Variants in CNOT6 observed in about 807,000 individuals in gnomAD.
The protein encoded by CNOT6 is carbon catabolite repression 4 protein.
A neutral mutation model predicts 61.2 loss-of-function variants in CNOT6; 12 were observed. That is an observed-to-expected ratio of 0.20 (90% CI 0.13 to 0.32). The LOEUF (loss-of-function observed/expected upper bound fraction) is 0.32, where lower values mean the gene tolerates loss of function less well. Ranked by LOEUF, CNOT6 falls within the 10% of genes least tolerant of loss-of-function variation. The pLI is 1.00. For synonymous variants in CNOT6, 225 were observed against 240.6 expected, an observed-to-expected ratio of 0.94 and a Z score of 0.60; for missense variants, 405 against 663.9, an observed-to-expected ratio of 0.61 and a Z score of 4.28.
chr5:180,494,638 A>AGCG lies in CNOT6; in HGVS notation c.-120_-118dup, dbSNP rs1442438869. 1 of 145,964 alleles carries AGCG rather than the reference A, an allele frequency of 6.9e-6. No individual in the cohort carries two copies. The highest frequency in any genetic ancestry group is 1.5e-5 in the Non-Finnish European group (1 of 68,082). The allele number at this position is 145,964 out of a possible 1,614,324, so 9.0% of individuals were successfully genotyped here. A position where few individuals can be genotyped will look rare whatever the true frequency, so the allele number is the denominator to read the frequency against. On this transcript the variant is annotated 5_prime_UTR_variant, in exon 1 of 12. Transcript: ENST00000261951. ...AGAGCAGCGACTAAGGCGGCAGAGG[A>AGCG]GCGGCGGCGGTGGCGGCGCTGCAGC...
chr5:180,521,638 G>T (rs994914424), intron 1 of CNOT6, among the ~76,000 whole-genome samples: 32 of 152,144 alleles, frequency 2.1e-4, no homozygotes, highest in African/African-American at 7.7e-4. Context: ...TGACATTGAG[G>T]TTTGGGACAT....
chr5:180,546,360 A>C (rs1056642453), intron 2 of CNOT6, among the ~76,000 whole-genome samples: 1 of 152,122 alleles, frequency 6.6e-6, no homozygotes, highest in Non-Finnish European at 1.5e-5. Flanking sequence ...GTTTTGAAAT[A>C]ATAGAGCTTT....
chr5:180,497,278 G>C (rs1325752171), intron 1 of CNOT6, among the ~76,000 whole-genome samples: 1 of 142,834 alleles, frequency 7.0e-6, no homozygotes, highest in African/African-American at 2.6e-5. Context: ...AGTGAGCCAG[G>C]ATCACGCCAC....
At chr5:180,507,421 G>GAAACCCCGTCTCTACT (rs1278484475) in intron 1 of CNOT6, among the ~76,000 whole-genome samples, 102 of 152,270 alleles carry the variant, frequency 6.7e-4, no homozygotes, top group African/African-American at 2.4e-3. Context: ...CCAACCTGGT[G>GAAACCCCGTCTCTACT]AAACCCCGTC....
In CNOT6 at chr5:180,569,127, G is replaced by A. The variant is rs150124040; in HGVS notation, c.1045G>A (p.Gly349Arg). Residue 349 changes from glycine (G) to arginine (R), a missense_variant, in exon 10 of 12, where the codon GGA becomes AGA. Coordinates refer to ENST00000261951, the MANE Select transcript of CNOT6 (RefSeq NM_001370472.1). ...IEMPSGKPHLGTEKQLILVAN... is the reference protein window; with the variant it reads ...IEMPSGKPHLRTEKQLILVAN... The stretch of plus-strand genomic sequence containing the variant: ...TAATGTAGCCGGAAAGCCACATCTT[G>A]GAACAGAAAAACAACTTATTCTTGT... The A allele has an allele frequency of 8.8e-5, 142 of 1,613,530 alleles. No individual in the cohort carries two copies. Among genetic ancestry groups the A allele is most frequent in the Non-Finnish European group, 1.1e-4 (130 of 1,179,720 alleles).
intron 2 of CNOT6, among the ~76,000 whole-genome samples, chr5:180,546,229 TA>T (rs1317839433): frequency 2.6e-5 from 4 of 152,214 alleles, no homozygotes; most frequent in Non-Finnish European, 5.9e-5. Flanking sequence ...TTTCTATGGT[TA>T]AATTTAAAAT....
intron 1 of CNOT6, among the ~76,000 whole-genome samples, 157 bp downstream of exon 1, chr5:180,494,920 C>T (rs1274509313): frequency 6.6e-6 from 1 of 151,754 alleles, no homozygotes; most frequent in Non-Finnish European, 1.5e-5. Flanking sequence ...GGGGCCCCTT[C>T]GACGCGCCGC....
intron 6 of CNOT6, among the ~76,000 whole-genome samples, chr5:180,565,082 A>G (rs1433978589): frequency 6.6e-6 from 1 of 152,264 alleles, no homozygotes; most frequent in Non-Finnish European, 1.5e-5. Flanking sequence ...AGCATTCTAT[A>G]GTACACGGCA....
Position 180,567,929 on chromosome 5 carries a change from A to G in CNOT6, c.953A>G (p.Asn318Ser). The change falls in exon 9 of 12, where the codon AAC (asparagine) becomes AGC (serine). Residue 318 changes from asparagine to serine, a missense_variant. By Grantham distance (46) the Asn-to-Ser change is conservative. Around this residue, in one of 5 missense-constraint regions of CNOT6, gnomAD observed 24 missense variants for 85.2 expected, o/e 0.28. Coordinates refer to ENST00000261951, the MANE Select transcript of CNOT6 (RefSeq NM_001370472.1). ...ANSEGSEAML[N>S]RVMTKDNIGV... is the part of the protein sequence containing the mutation. The stretch of plus-strand genomic sequence containing the variant: ...TCTGAGGGGTCTGAAGCTATGCTGA[A>G]CAGAGTCATGACAAAAGATAACATT... 6.2e-7 allele frequency: 1 copy of G among 1,614,178 alleles called. No homozygotes were observed. Among genetic ancestry groups the G allele is most frequent in the South Asian group, 1.1e-5 (1 of 91,084 alleles).
chr5:180,535,988 GTTTTTTTTTTTT>G (rs756489493), intron 2 of CNOT6, among the ~76,000 whole-genome samples: 3 of 62,444 alleles, frequency 4.8e-5, no homozygotes, highest in African/African-American at 1.4e-4. Context: ...ACTTATTAGG[GTTTTTTTTTTTT>G]TTTTTTTTTT....
chr5:180,565,638 C>G (rs1276490861), intron 6 of CNOT6, among the ~76,000 whole-genome samples, 182 bp from the exon 7 acceptor site: 1 of 152,190 alleles, frequency 6.6e-6, no homozygotes, highest in Non-Finnish European at 1.5e-5. Context: ...GTTCACTTAT[C>G]TATCCTGCTT....
intron 4 of CNOT6, among the ~76,000 whole-genome samples, chr5:180,562,531 G>A (rs1023471606): frequency 6.6e-5 from 10 of 152,148 alleles, no homozygotes; most frequent in Admixed American, 1.3e-4. Flanking sequence ...ACGAGGTCAG[G>A]AGATTGAGAC....
In CNOT6 at chr5:180,567,135, A is replaced by C. The variant is rs780707776; in HGVS notation, c.765A>C (p.Lys255Asn). 1 of 1,613,786 alleles carries C rather than the reference A, an allele frequency of 6.2e-7. No homozygotes were observed. The highest frequency in any genetic ancestry group is 2.2e-5 in the East Asian group (1 of 44,858). Reference protein sequence around the residue: ...QYYSFFLVELKERGYNGFFSP... With the variant: ...QYYSFFLVELNERGYNGFFSP... ...ACAGTTTTTTTCTGGTAGAGCTGAA[A>C]GAACGTGGCTATAATGGATTCTTCA... Residue 255 changes from lysine to asparagine, a missense_variant, in exon 8 of 12, where the codon AAA (lysine) becomes AAC (asparagine). Around this residue, in one of 5 missense-constraint regions of CNOT6, gnomAD observed 212 missense variants for 307.1 expected, o/e 0.69. Coordinates refer to ENST00000261951, the MANE Select transcript of CNOT6 (RefSeq NM_001370472.1).
intron 1 of CNOT6, among the ~76,000 whole-genome samples, chr5:180,508,818 T>A (rs1397072144): frequency 7.2e-6 from 1 of 138,428 alleles, no homozygotes; most frequent in Non-Finnish European, 1.6e-5. Context: ...ATTAATTAAT[T>A]TTATTATTAT....
intron 1 of CNOT6, among the ~76,000 whole-genome samples, chr5:180,513,852 C>T (rs1460008274): frequency 4.6e-5 from 7 of 151,662 alleles, no homozygotes; most frequent in African/African-American, 1.7e-4. Context: ...TACAGGCGCC[C>T]GCCACCACGC....
chr5:180,526,575 G>T (rs1758111410), intron 1 of CNOT6, among the ~76,000 whole-genome samples: 2 of 152,154 alleles, frequency 1.3e-5, no homozygotes, highest in Non-Finnish European at 2.9e-5. Context: ...CTAGGAGAAG[G>T]GGATAGACTA....
intron 6 of CNOT6, among the ~76,000 whole-genome samples, chr5:180,565,582 C>T (rs12054820): frequency 0.47 from 70,790 of 151,978 alleles, 17,511 homozygotes; most frequent in Non-Finnish European, 0.56. Flanking sequence ...ACTTCCAGAC[C>T]TTCTGTGCCT....
At chr5:180,571,921 C>T (rs1373931053) in intron 11 of CNOT6, among the ~76,000 whole-genome samples, 1 of 151,808 alleles carries the variant, frequency 6.6e-6, no homozygotes, top group Non-Finnish European at 1.5e-5. Context: ...CACATCCTTA[C>T]TTTGTAGATA....
Position 180,564,540 on chromosome 5 carries a change from C to T in CNOT6, c.437C>T (p.Thr146Ile). 6.2e-7 allele frequency: 1 copy of T among 1,613,982 alleles called. No homozygotes were observed. The highest frequency in any genetic ancestry group is 1.1e-5 in the South Asian group (1 of 91,076). Residue 146 changes from threonine to isoleucine, a missense_variant, in exon 5 of 12, where the codon ACA becomes ATA. Thr to Ile is a moderately conservative substitution (Grantham distance 89). Transcript: ENST00000261951. ...ILNLYQEPDG[T>I]RRLLNYLLDN... ...AACCTTTATCAGGAACCAGATGGAACAAGACGGCTGCTGAACTATTTGCTT... is the reference window on the plus strand; with the variant it reads ...AACCTTTATCAGGAACCAGATGGAATAAGACGGCTGCTGAACTATTTGCTT...
Sources: gnomAD v4.1 joint callset for allele counts (sites outside exome capture counted in the v4.1 genomes callset) on GRCh38, gnomAD v4.1.1 for gene constraint, gnomAD v4.1.1 regional missense constraint, MANE v1.5 for transcripts, NCBI Gene and HGNC (gene_info 2026-07-23, HGNC 2026-07-21) for gene names.